Variants in CAST observed in about 807,000 individuals in gnomAD.
CAST encodes calpastatin, also known as MIR583 host.
CAST carries 76 observed loss-of-function variants against 119.6 expected under a neutral mutation model. The observed-to-expected ratio is 0.64, with a 90% CI of 0.53 to 0.77. The LOEUF (loss-of-function observed/expected upper bound fraction) is 0.77, where lower values mean the gene tolerates loss of function less well. Among genes scored for constraint, CAST ranks in the 30% least tolerant of loss-of-function variants. The pLI is 0.00. For synonymous variants in CAST, 319 were observed against 331.6 expected (o/e 0.96, Z 0.41); for missense variants, 953 against 946.5 (o/e 1.01, Z -0.09).
chr5:96,601,743 C>T (rs931150057), intron 1 of CAST, among the ~76,000 whole-genome samples: 1 of 152,176 alleles, frequency 6.6e-6, no homozygotes. Flanking sequence ...ACATCTTACC[C>T]TCTATAGACC....
intron 1 of CAST, among the ~76,000 whole-genome samples, chr5:96,663,822 A>G (rs1862182): frequency 0.83 from 125,594 of 151,990 alleles, 52,627 homozygotes; most frequent in East Asian, 1. Context: ...GGACAAGAAC[A>G]TTCCATTTGT....
At chr5:96,036,112 A>T in the CAST span, among the ~76,000 whole-genome samples, 1 of 151,712 alleles carries the variant, frequency 6.6e-6, no homozygotes, top group Non-Finnish European at 1.5e-5. Context: ...AGCAGGATGT[A>T]TAATATATTT....
At chr5:96,620,285 T>G (rs1043235574) in intron 1 of CAST, among the ~76,000 whole-genome samples, 7 of 143,740 alleles carry the variant, frequency 4.9e-5, no homozygotes, top group African/African-American at 1.9e-4. Flanking sequence ...GCCAGTTCTT[T>G]TTCTTTTTTT....
chr5:96,242,758 G>C, the CAST span, among the ~76,000 whole-genome samples: 1 of 152,134 alleles, frequency 6.6e-6, no homozygotes, highest in South Asian at 2.1e-4. Context: ...GGAGGTGTTA[G>C]GCATCTGTGC....
At chr5:96,245,207 A>G in the CAST span, among the ~76,000 whole-genome samples, 1 of 152,210 alleles carries the variant, frequency 6.6e-6, no homozygotes, top group Non-Finnish European at 1.5e-5. Flanking sequence ...CAAAAGTGTA[A>G]AAGTTTTTTC....
At chr5:96,391,918 TG>T in the CAST span, 1 of 152,242 alleles carries the variant, frequency 6.6e-6, no homozygotes, top group Middle Eastern at 3.2e-3. Flanking sequence ...AGGAGCAATT[TG>T]GTGAGAATTT....
chr5:96,461,206 A>G, the CAST span, among the ~76,000 whole-genome samples: 1 of 152,220 alleles, frequency 6.6e-6, no homozygotes, highest in East Asian at 1.9e-4. Flanking sequence ...ATCCCTTTTT[A>G]TGACTGAATA....
the CAST span, among the ~76,000 whole-genome samples, chr5:96,149,872 C>A: frequency 2.0e-5 from 3 of 152,152 alleles, no homozygotes; most frequent in Non-Finnish European, 4.4e-5. Context: ...CTTTCAGGAG[C>A]TTCTTTCAGG....
At chr5:96,707,629 A>G (rs1405906087) in intron 3 of CAST, among the ~76,000 whole-genome samples, 2 of 152,222 alleles carry the variant, frequency 1.3e-5, no homozygotes, top group Non-Finnish European at 2.9e-5. Flanking sequence ...TCATGATCCA[A>G]TCGACCTTCA....
chr5:96,636,574 T>A (rs1747889210), intron 1 of CAST, among the ~76,000 whole-genome samples: 2 of 152,112 alleles, frequency 1.3e-5, no homozygotes, highest in African/African-American at 4.8e-5. Context: ...TCAGATACCC[T>A]TAGATTTGTG....
chr5:96,275,856 T>C, the CAST span, among the ~76,000 whole-genome samples: 1 of 152,246 alleles, frequency 6.6e-6, no homozygotes, highest in East Asian at 1.9e-4. Context: ...TAATTGCTTC[T>C]ATCTAACAAA....
At chr5:96,445,507 A>G in the CAST span, among the ~76,000 whole-genome samples, 1 of 152,224 alleles carries the variant, frequency 6.6e-6, no homozygotes, top group Non-Finnish European at 1.5e-5. Flanking sequence ...CTCCATGGGC[A>G]GTCATCTGAA....
chr5:96,412,182 G>T, the CAST span: 2 of 831,176 alleles, frequency 2.4e-6, no homozygotes, highest in Non-Finnish European at 2.0e-6. Flanking sequence ...GGCCCTCTAA[G>T]TGCATTTAAA....
At chr5:96,469,691 G>A in the CAST span, among the ~76,000 whole-genome samples, 1 of 151,634 alleles carries the variant, frequency 6.6e-6, no homozygotes, top group South Asian at 2.1e-4. Flanking sequence ...ATGCATATAT[G>A]CATATGATTT....
At chr5:96,101,340 G>C in the CAST span, among the ~76,000 whole-genome samples, 3 of 152,206 alleles carry the variant, frequency 2.0e-5, no homozygotes, top group Non-Finnish European at 4.4e-5. Flanking sequence ...TTACAGAATT[G>C]TAAGAATTAA....
At chr5:96,093,936 G>A in the CAST span, among the ~76,000 whole-genome samples, 1 of 152,100 alleles carries the variant, frequency 6.6e-6, no homozygotes, top group South Asian at 2.1e-4. Context: ...ATTAGAGTTT[G>A]AGCTGATTGC....
At chr5:96,073,674 G>C in the CAST span, among the ~76,000 whole-genome samples, 3 of 152,148 alleles carry the variant, frequency 2.0e-5, no homozygotes, top group African/African-American at 7.2e-5. Context: ...TGCATGCACA[G>C]TTCACAATAG....
chr5:96,622,158 C>T (rs1000981090), intron 1 of CAST, among the ~76,000 whole-genome samples: 64 of 151,610 alleles, frequency 4.2e-4, no homozygotes, highest in African/African-American at 1.4e-3. Flanking sequence ...TTAGTAGAGA[C>T]GGGGTTTCAC....
At chr5:96,251,164 C>G in the CAST span, among the ~76,000 whole-genome samples, 2 of 152,172 alleles carry the variant, frequency 1.3e-5, no homozygotes, top group African/African-American at 4.8e-5. Flanking sequence ...GGACTGCTTT[C>G]TGTTCTGCAC....
Sources: gnomAD v4.1 joint callset for allele counts (sites outside exome capture counted in the v4.1 genomes callset) on GRCh38, gnomAD v4.1.1 for gene constraint, MANE v1.5 for transcripts, NCBI Gene and HGNC (gene_info 2026-07-23, HGNC 2026-07-21) for gene names.